The following CACNA1E variants were observed in gnomAD, a reference collection of about 807,000 sequenced individuals.
The protein encoded by CACNA1E is calcium voltage-gated channel subunit alpha1 E.
In CACNA1E, 40 loss-of-function variants were observed where a neutral mutation model predicts 259.2. That is an observed-to-expected ratio of 0.15 (90% CI 0.12 to 0.20). The LOEUF (loss-of-function observed/expected upper bound fraction) is 0.20, where lower values mean the gene tolerates loss of function less well. Ranked by LOEUF, CACNA1E falls within the 10% of genes least tolerant of loss-of-function variation. CACNA1E has a pLI of 1.00. For missense variants in CACNA1E, 1,874 were observed against 3,040.1 expected (o/e 0.62, Z 9.02); for synonymous variants, 1,104 against 1,138.5 (o/e 0.97, Z 0.61).
chr1:181,548,084 G>A (rs578133906), intron 3 of CACNA1E, among the ~76,000 whole-genome samples: 3 of 151,578 alleles, frequency 2.0e-5, no homozygotes, highest in Non-Finnish European at 2.9e-5. Flanking sequence ...CTCCTGGTTA[G>A]AGGTAGGTAT....
intron 6 of CACNA1E, among the ~76,000 whole-genome samples, chr1:181,629,405 G>C (rs1656492026): frequency 6.6e-6 from 1 of 152,170 alleles, no homozygotes; most frequent in South Asian, 2.1e-4. Context: ...AGTTTCTGTA[G>C]TGTGAATTGT....
intron 1 of CACNA1E, among the ~76,000 whole-genome samples, chr1:181,318,646 G>A (rs1291902856): frequency 6.6e-6 from 1 of 152,226 alleles, no homozygotes; most frequent in African/African-American, 2.4e-5. Context: ...TTTTGTGCGC[G>A]GATCGCTGGT....
chr1:181,402,117 T>C (rs1657145811), intron 1 of CACNA1E, among the ~76,000 whole-genome samples: 1 of 152,246 alleles, frequency 6.6e-6, no homozygotes, highest in Non-Finnish European at 1.5e-5. Context: ...ACTAAAGGTA[T>C]ACTAATTTTT....
chr1:181,657,631 C>T (rs1015107936), intron 7 of CACNA1E, among the ~76,000 whole-genome samples: 11 of 151,970 alleles, frequency 7.2e-5, no homozygotes, highest in African/African-American at 1.7e-4. Flanking sequence ...GGACGAAAGG[C>T]GTATATAAGA....
chr1:181,429,096 C>T (rs1168463312), intron 2 of CACNA1E, among the ~76,000 whole-genome samples: 5 of 152,062 alleles, frequency 3.3e-5, no homozygotes, highest in Admixed American at 3.3e-4. Flanking sequence ...GCAAGAGAAT[C>T]GCTTGAACCT....
At chr1:181,373,475 G>A (rs189575709) in intron 1 of CACNA1E, among the ~76,000 whole-genome samples, 1 of 151,276 alleles carries the variant, frequency 6.6e-6, no homozygotes, top group East Asian at 1.9e-4. Context: ...GGGGTTGATG[G>A]TAAGTCACCT....
At chr1:181,372,826 A>ATT (rs200346297) in intron 1 of CACNA1E, among the ~76,000 whole-genome samples, 5 of 77,604 alleles carry the variant, frequency 6.4e-5, no homozygotes, top group East Asian at 7.2e-4. Flanking sequence ...ATATATATAT[A>ATT]TATTTTTTTT....
At chr1:181,480,962 G>A (rs1053611408), upstream of CACNA1E, among the ~76,000 whole-genome samples, 13 of 152,136 alleles carry the variant, frequency 8.5e-5, no homozygotes, top group Non-Finnish European at 1.8e-4. Context: ...TGTCTGAAAG[G>A]AGCGACATAC....
intron 7 of CACNA1E, among the ~76,000 whole-genome samples, chr1:181,671,030 A>G (rs1247406135): frequency 6.6e-6 from 1 of 152,136 alleles, no homozygotes; most frequent in Non-Finnish European, 1.5e-5. Flanking sequence ...ACATTTATTC[A>G]TTTATTATTA....
chr1:181,706,657 A>G (rs547857067), intron 7 of CACNA1E, among the ~76,000 whole-genome samples: 1 of 152,322 alleles, frequency 6.6e-6, no homozygotes, highest in African/African-American at 2.4e-5. Context: ...TAATATCCTT[A>G]TTTTCCTCAA....
chr1:181,425,755 T>G (rs11802064), intron 2 of CACNA1E, among the ~76,000 whole-genome samples: 60,518 of 151,702 alleles, frequency 0.4, 12,353 homozygotes, highest in African/African-American at 0.45. Flanking sequence ...TTTAGCTCCT[T>G]TAACCATCTT....
At chr1:181,539,758 A>G (rs1236148402) in intron 3 of CACNA1E, among the ~76,000 whole-genome samples, 1 of 152,198 alleles carries the variant, frequency 6.6e-6, no homozygotes, top group Admixed American at 6.5e-5. Context: ...GTATAAAACC[A>G]TTACATTACT....
At chr1:181,355,459 G>A (rs529253900) in intron 1 of CACNA1E, among the ~76,000 whole-genome samples, 6 of 152,204 alleles carry the variant, frequency 3.9e-5, no homozygotes, top group South Asian at 4.2e-4. Context: ...ATGATGGCAC[G>A]TGCCTGTAAT....
chr1:181,323,548 C>A (rs761610702), intron 1 of CACNA1E, among the ~76,000 whole-genome samples: 19 of 152,298 alleles, frequency 1.2e-4, no homozygotes, highest in South Asian at 4.2e-4. Context: ...CTTCTATTAT[C>A]TTTCTCCCTC....
At chr1:181,697,617 T>C (rs1001200814) in intron 7 of CACNA1E, among the ~76,000 whole-genome samples, 2 of 152,230 alleles carry the variant, frequency 1.3e-5, no homozygotes, top group Non-Finnish European at 2.9e-5. Context: ...TTTATACTTT[T>C]GTAAAATGCA....
chr1:181,454,386 T>C (rs929041074), intron 2 of CACNA1E, among the ~76,000 whole-genome samples: 7 of 152,222 alleles, frequency 4.6e-5, no homozygotes, highest in African/African-American at 1.4e-4. Flanking sequence ...ACCTTCTGAA[T>C]TGAAAGGGAC....
chr1:181,691,930 C>T (rs189676081), intron 7 of CACNA1E, among the ~76,000 whole-genome samples: 7 of 152,118 alleles, frequency 4.6e-5, no homozygotes, highest in South Asian at 2.1e-4. Context: ...AAAGACTTCA[C>T]GAAAAGTTTC....
intron 1 of CACNA1E, among the ~76,000 whole-genome samples, chr1:181,502,752 G>A (rs1301201225): frequency 6.6e-6 from 1 of 152,204 alleles, no homozygotes; most frequent in Admixed American, 6.5e-5. Context: ...AGGCTGGAGT[G>A]CAGTGGTATG....
chr1:181,537,666 T>A (rs1668278541), intron 3 of CACNA1E, among the ~76,000 whole-genome samples: 1 of 152,200 alleles, frequency 6.6e-6, no homozygotes, highest in African/African-American at 2.4e-5. Context: ...GAGGTGGTGA[T>A]GATGATGAAG....
Sources: gnomAD v4.1 joint callset for allele counts (sites outside exome capture counted in the v4.1 genomes callset) on GRCh38, gnomAD v4.1.1 for gene constraint, MANE v1.5 for transcripts, NCBI Gene and HGNC (gene_info 2026-07-23, HGNC 2026-07-21) for gene names.